Variants in INPP5D observed in about 807,000 individuals in gnomAD.
The protein encoded by INPP5D is inositol polyphosphate-5-phosphatase D, also known as phosphatidylinositol 3,4,5-trisphosphate 5-phosphatase 1.
Under a neutral mutation model 122.9 loss-of-function variants are expected in INPP5D, and 33 were observed. The ratio of observed to expected loss-of-function variants is 0.27; its 90% CI spans 0.20 to 0.36. INPP5D has a LOEUF of 0.36. INPP5D is among the 10% of genes least tolerant of loss of function. INPP5D has a pLI of 1.00. For synonymous variants in INPP5D, 584 were observed against 576.2 expected, an observed-to-expected ratio of 1.01 and a Z score of -0.19; for missense variants, 1,053 against 1,412.7, an observed-to-expected ratio of 0.75 and a Z score of 4.08.
intron 6 of INPP5D, among the ~76,000 whole-genome samples, chr2:233,145,766 T>C (rs1479110227): frequency 6.6e-6 from 1 of 151,864 alleles, no homozygotes; most frequent in Non-Finnish European, 1.5e-5. Flanking sequence ...CTCCTCTACG[T>C]GGAGAAGAAC....
chr2:233,101,363 T>C (rs1177439837), intron 2 of INPP5D, among the ~76,000 whole-genome samples: 2 of 152,104 alleles, frequency 1.3e-5, no homozygotes. Flanking sequence ...AGCTCACATC[T>C]GCCAAGTCCT....
chr2:233,081,977 G>A (rs1691704051), intron 2 of INPP5D, among the ~76,000 whole-genome samples: 1 of 152,168 alleles, frequency 6.6e-6, no homozygotes, highest in South Asian at 2.1e-4. Context: ...TCTCAGAGAT[G>A]GGGACAGAGT....
chr2:233,198,910 A>G (rs552799394), intron 25 of INPP5D, among the ~76,000 whole-genome samples: 6 of 150,716 alleles, frequency 4.0e-5, no homozygotes, highest in South Asian at 2.1e-4. Context: ...AGATTGCGCC[A>G]CTGCACTCCA....
chr2:233,061,853 T>C (rs1559266949), intron 1 of INPP5D, among the ~76,000 whole-genome samples: 1 of 152,220 alleles, frequency 6.6e-6, no homozygotes, highest in Non-Finnish European at 1.5e-5. Flanking sequence ...GGGGCAGGCA[T>C]GTAGCCTTGC....
At chr2:233,070,855 T>C (rs938523514) in intron 1 of INPP5D, among the ~76,000 whole-genome samples, 2 of 152,280 alleles carry the variant, frequency 1.3e-5, no homozygotes, top group Non-Finnish European at 2.9e-5. Context: ...ATATGTATCA[T>C]GTTTTTAGCA....
At chr2:233,161,864 T>A in intron 11 of INPP5D, 38 bp downstream of exon 11, 1 of 1,587,124 alleles carries the variant, frequency 6.3e-7, no homozygotes, top group African/African-American at 1.3e-5. Context: ...TCACCCCCTC[T>A]GCTTCTGCTT....
rs1332521212 is a variant in INPP5D, at chr2:233,146,381, G to A, written c.849G>A (p.Leu283=). The stretch of plus-strand genomic sequence containing the variant: ...GCTGCCCACAGGTCAAGGCCTTGCT[G>A]CACGAGGGTCCTGAGTCTCCGCACC... ...SSIEDKVKAL[L]HEGPESPHRP... Residue 283 remains leucine, a synonymous_variant, in exon 8 of 27, where the codon CTG becomes CTA. Coordinates refer to ENST00000445964, the MANE Select transcript of INPP5D (RefSeq NM_001017915.3). 5 of 704,210 alleles carry A rather than the reference G, an allele frequency of 7.1e-6. No homozygotes were observed. The highest frequency in any genetic ancestry group is 2.0e-5 in the Admixed American group (1 of 50,006). 43.6% of individuals were successfully genotyped at this position (704,210 alleles called of 1,614,324 possible). A position where few individuals can be genotyped will look rare whatever the true frequency, so the allele number is the denominator to read the frequency against.
intron 17 of INPP5D, among the ~76,000 whole-genome samples, chr2:233,176,184 G>A (rs1303574084): frequency 6.6e-6 from 1 of 152,180 alleles, no homozygotes; most frequent in Admixed American, 6.5e-5. Context: ...CCACCTAATG[G>A]ACATCTTGCT....
intron 2 of INPP5D, among the ~76,000 whole-genome samples, chr2:233,103,702 CTTTTTTTTTTTT>C (rs61589704): frequency 1.7e-5 from 2 of 116,122 alleles, no homozygotes; most frequent in East Asian, 2.4e-4. Flanking sequence ...AAAAGTAGTT[CTTTTTTTTTTTT>C]TTTTTTTTTG....
chr2:233,136,126 G>A (rs1309757104), intron 5 of INPP5D, among the ~76,000 whole-genome samples: 2 of 152,214 alleles, frequency 1.3e-5, no homozygotes, highest in Non-Finnish European at 2.9e-5. Flanking sequence ...ATGTGATGCA[G>A]CCAAAGCACC....
chr2:233,195,737 C>G (rs1306078104), intron 24 of INPP5D, among the ~76,000 whole-genome samples: 1 of 152,170 alleles, frequency 6.6e-6, no homozygotes, highest in Non-Finnish European at 1.5e-5. Context: ...GAGGCCAAGG[C>G]CGGTGGATTG....
chr2:233,198,352 T>C lies in INPP5D; in HGVS notation c.2951T>C (p.Leu984Pro), dbSNP rs1390600527. ...TTACCCTCAACAGCAAACCGGGGTC[T>C]CCCTCCCAGGACACAGGAGTCAAGG... ...KFLPSTANRGLPPRTQESRPS... is the reference protein window; with the variant it reads ...KFLPSTANRGPPPRTQESRPS... Residue 984 changes from leucine to proline, a missense_variant, in exon 25 of 27, where the codon CTC becomes CCC. By Grantham distance (98) the Leu-to-Pro change is moderately conservative. Transcript: ENST00000445964. The C allele has an allele frequency of 6.2e-7, 1 of 1,613,334 alleles. No individual in the cohort carries two copies. Among genetic ancestry groups the C allele is most frequent in the Non-Finnish European group, 8.5e-7 (1 of 1,179,582 alleles).
chr2:233,090,379 G>T (rs999895399), intron 2 of INPP5D, among the ~76,000 whole-genome samples: 2 of 152,066 alleles, frequency 1.3e-5, no homozygotes, highest in African/African-American at 4.8e-5. Context: ...TTTCATTTCT[G>T]CTCTTCCTGG....
At chr2:233,103,140 G>T (rs1433488355) in intron 2 of INPP5D, among the ~76,000 whole-genome samples, 1 of 152,120 alleles carries the variant, frequency 6.6e-6, no homozygotes, top group African/African-American at 2.4e-5. Flanking sequence ...GCAAGCTCTT[G>T]CTTCTGGCTG....
At chr2:233,199,048 G>A (rs13417000) in intron 25 of INPP5D, among the ~76,000 whole-genome samples, 6,093 of 152,098 alleles carry the variant, frequency 0.04, 384 homozygotes, top group African/African-American at 0.14. Flanking sequence ...TTAAGAGTTC[G>A]AGTCCAGCCT....
intron 2 of INPP5D, among the ~76,000 whole-genome samples, chr2:233,109,594 G>A (rs1692558608): frequency 6.6e-6 from 1 of 151,842 alleles, no homozygotes; most frequent in Non-Finnish European, 1.5e-5. Flanking sequence ...TTTTGTTGTT[G>A]TTGAGATGGA....
Position 233,182,716 on chromosome 2 carries a change from C to T in INPP5D, c.2161+217C>T, listed in dbSNP as rs562741442. Reference sequence around the variant, plus strand: ...TTGGCAAGTATGTCAGCCTTTTGAGCCTCAATTTTAGTCTGAAAACGTGGG... The same window carrying T: ...TTGGCAAGTATGTCAGCCTTTTGAGTCTCAATTTTAGTCTGAAAACGTGGG... On this transcript the variant is annotated intron_variant, in intron 19 of 26. Transcript: ENST00000445964. Among the ~76,000 whole-genome samples, 8 of 152,188 alleles carry T rather than the reference C, an allele frequency of 5.3e-5. No individual in the cohort carries two copies. The South Asian group carries it at 1.7e-3, about 32-fold the overall frequency.
In INPP5D at chr2:233,188,329, C is replaced by A. The variant is rs183998661; in HGVS notation, c.2359-1521C>A. Among the ~76,000 whole-genome samples the A allele has an allele frequency of 2.0e-5, 3 of 152,186 alleles. No individual in the cohort carries two copies. The highest frequency in any genetic ancestry group is 2.1e-4 in the South Asian group (1 of 4,820). On this transcript the variant is annotated intron_variant, in intron 21 of 26. Coordinates refer to ENST00000445964, the MANE Select transcript of INPP5D (RefSeq NM_001017915.3). This position sits in a 1 kb window ranked among gnomAD's most constrained non-coding sequence, Gnocchi z 4.7. ...CCTAGATAGTTCTCCTCCCTGCCAC[C>A]GCCTGCCAGGGTGGTGGTGTCGCAC...
At chr2:233,165,904 G>A (rs1694322604) in intron 13 of INPP5D, among the ~76,000 whole-genome samples, 3 of 152,026 alleles carry the variant, frequency 2.0e-5, no homozygotes, top group African/African-American at 4.8e-5. Context: ...ATACACACAG[G>A]GCTCCAGGGC....
Sources: allele counts gnomAD v4.1 joint callset (sites outside exome capture counted in the v4.1 genomes callset), GRCh38; gene constraint gnomAD v4.1.1; non-coding constraint Gnocchi (gnomAD v3.1); transcripts MANE v1.5; gene names NCBI Gene and HGNC (gene_info 2026-07-23, HGNC 2026-07-21).